The following NTN1 variants were observed in gnomAD, a reference collection of about 807,000 sequenced individuals.
NTN1 encodes the protein netrin 1.
NTN1 carries 11 observed loss-of-function variants against 54.2 expected under a neutral mutation model. That is an observed-to-expected ratio of 0.20 (90% CI 0.13 to 0.34). NTN1 has a LOEUF of 0.34. NTN1 is among the 10% of genes least tolerant of loss of function. The pLI is 1.00. For synonymous variants in NTN1, 371 were observed against 382.0 expected (o/e 0.97, Z 0.33); for missense variants, 740 against 893.1 (o/e 0.83, Z 2.18).
chr17:9,186,960 A>G (rs1317134215), intron 5 of NTN1, among the ~76,000 whole-genome samples: 1 of 152,104 alleles, frequency 6.6e-6, no homozygotes, highest in East Asian at 1.9e-4. Context: ...GGGCACTAAA[A>G]TGGGCACCTG....
intron 5 of NTN1, among the ~76,000 whole-genome samples, chr17:9,187,673 A>AC (rs1488227724): frequency 1.3e-5 from 2 of 151,252 alleles, no homozygotes; most frequent in Non-Finnish European, 3.0e-5. Context: ...AAAAAAAAAA[A>AC]AAAAAACATT....
At chr17:9,020,973 ATCC>A (rs1450128435), upstream of NTN1, among the ~76,000 whole-genome samples, 1 of 151,976 alleles carries the variant, frequency 6.6e-6, no homozygotes, top group Non-Finnish European at 1.5e-5. Context: ...CAGAGGTCAC[ATCC>A]TCCTCCTCTT....
chr17:9,078,054 A>G (rs1597479583), intron 2 of NTN1, among the ~76,000 whole-genome samples: 1 of 150,460 alleles, frequency 6.6e-6, no homozygotes, highest in African/African-American at 2.5e-5. Context: ...CTGCCCATCC[A>G]TCTATCCATC....
intron 2 of NTN1, among the ~76,000 whole-genome samples, chr17:9,108,786 T>A (rs1458579117): frequency 2.0e-5 from 3 of 152,250 alleles, no homozygotes; most frequent in Non-Finnish European, 2.9e-5. Flanking sequence ...CTTTGTCTTA[T>A]CTGCCCACTC....
intron 2 of NTN1, among the ~76,000 whole-genome samples, chr17:9,047,437 C>T (rs2142195783): frequency 6.6e-6 from 1 of 152,322 alleles, no homozygotes; most frequent in East Asian, 1.9e-4. Context: ...GGAGTAGAGT[C>T]CATCTCAAGA....
chr17:9,136,087 C>T (rs2092280123), intron 2 of NTN1, among the ~76,000 whole-genome samples: 2 of 152,198 alleles, frequency 1.3e-5, no homozygotes, highest in Admixed American at 6.5e-5. Flanking sequence ...GAGTCAGTCC[C>T]CACTCAGGGG....
At chr17:9,184,568 A>C (rs1035204093) in intron 5 of NTN1, among the ~76,000 whole-genome samples, 1 of 152,210 alleles carries the variant, frequency 6.6e-6, no homozygotes, top group Non-Finnish European at 1.5e-5. Flanking sequence ...AAGGCTGTGC[A>C]CACCGCGGGG....
intron 2 of NTN1, among the ~76,000 whole-genome samples, chr17:9,089,413 T>TA (rs71135940): frequency 4.7e-4 from 69 of 147,936 alleles, no homozygotes; most frequent in Non-Finnish European, 6.6e-4. Context: ...AGATTCCATC[T>TA]AAAAAAAAAA....
intron 2 of NTN1, among the ~76,000 whole-genome samples, chr17:9,113,929 G>A (rs548276576): frequency 2.6e-5 from 4 of 151,774 alleles, no homozygotes; most frequent in East Asian, 1.9e-4. Context: ...TTGGGAGGCC[G>A]AGGTGGGCGG....
At chr17:9,030,571 C>A (rs911753283) in intron 2 of NTN1, among the ~76,000 whole-genome samples, 2 of 152,026 alleles carry the variant, frequency 1.3e-5, no homozygotes, top group East Asian at 3.9e-4. Context: ...ACAGTGAAAC[C>A]CCTTCTCTAC....
chr17:9,159,104 G>A (rs2092350826), intron 2 of NTN1, among the ~76,000 whole-genome samples: 1 of 152,146 alleles, frequency 6.6e-6, no homozygotes, highest in African/African-American at 2.4e-5. Flanking sequence ...AGTAACATGT[G>A]AATGAGAAAC....
intron 2 of NTN1, among the ~76,000 whole-genome samples, chr17:9,034,938 T>TTA (rs1390639792): frequency 6.6e-6 from 1 of 152,018 alleles, no homozygotes; most frequent in African/African-American, 2.4e-5. Context: ...TTATTTTTGT[T>TTA]TATTTTTTAT....
intron 2 of NTN1, among the ~76,000 whole-genome samples, chr17:9,108,985 T>A (rs2092179661): frequency 6.6e-6 from 1 of 152,122 alleles, no homozygotes; most frequent in Admixed American, 6.6e-5. Flanking sequence ...CAAGCGATTC[T>A]CCTGCCTCAG....
chr17:9,073,295 A>G (rs1219486363), intron 2 of NTN1, among the ~76,000 whole-genome samples: 1 of 152,220 alleles, frequency 6.6e-6, no homozygotes, highest in African/African-American at 2.4e-5. Flanking sequence ...AGGTGGGTGC[A>G]AGGTGATTCA....
chr17:9,102,538 G>A (rs2142243288), intron 2 of NTN1, among the ~76,000 whole-genome samples: 1 of 152,328 alleles, frequency 6.6e-6, no homozygotes, highest in Middle Eastern at 3.4e-3. Context: ...TGAGATTTGA[G>A]TGTAGACACA....
At chr17:9,023,808 GA>G (rs1036376385) in intron 2 of NTN1, among the ~76,000 whole-genome samples, 2 of 152,246 alleles carry the variant, frequency 1.3e-5, no homozygotes, top group African/African-American at 4.8e-5. Context: ...CAGTTCCTGG[GA>G]AGTTCCAACT....
intron 5 of NTN1, among the ~76,000 whole-genome samples, chr17:9,213,950 C>T (rs1304268354): frequency 6.6e-6 from 1 of 151,790 alleles, no homozygotes; most frequent in Non-Finnish European, 1.5e-5. Context: ...TTTCTTGTTA[C>T]TTCTTAAAGT....
At position 9,221,575 on chromosome 17, in the gene NTN1, C is replaced by T. The variant is rs544047619; in HGVS notation, c.1486+333C>T. On this transcript the variant is annotated intron_variant, in intron 6 of 6. Transcript: ENST00000173229. This position sits in a 1 kb window ranked among gnomAD's most constrained non-coding sequence, Gnocchi z 4.5. Reference sequence around the variant, plus strand: ...TTACCTCTGTGGTCTTCTGTGTCTGCATCATACTGCGGGGATTTGACCCGA... The same window carrying T: ...TTACCTCTGTGGTCTTCTGTGTCTGTATCATACTGCGGGGATTTGACCCGA... Among the ~76,000 whole-genome samples, 1 of 152,314 alleles carries T rather than the reference C, an allele frequency of 6.6e-6. No homozygotes were observed. Among genetic ancestry groups the T allele is most frequent in the East Asian group, 1.9e-4 (1 of 5,178 alleles).
intron 2 of NTN1, among the ~76,000 whole-genome samples, chr17:9,123,076 T>C (rs996718595): frequency 1.3e-5 from 2 of 152,206 alleles, no homozygotes; most frequent in Non-Finnish European, 2.9e-5. Context: ...CAACTGTACA[T>C]CTTCAAGGAA....
Sources: allele counts gnomAD v4.1 joint callset (sites outside exome capture counted in the v4.1 genomes callset), GRCh38; gene constraint gnomAD v4.1.1; non-coding constraint Gnocchi (gnomAD v3.1); transcripts MANE v1.5; gene names NCBI Gene and HGNC (gene_info 2026-07-23, HGNC 2026-07-21).